Variants in PLCL1 observed in about 807,000 individuals in gnomAD.
PLCL1 encodes phospholipase C like 1 (inactive).
In PLCL1, 41 loss-of-function variants were observed where a neutral mutation model predicts 84.4. That is an observed-to-expected ratio of 0.49 (90% CI 0.38 to 0.63). The LOEUF is 0.63. PLCL1 is among the 30% of genes least tolerant of loss of function. The probability of loss-of-function intolerance (pLI) is 0.00; values close to 1 mark genes in which losing one functional copy is unlikely to be tolerated. For missense variants in PLCL1, 1,206 were observed against 1,367.8 expected (o/e 0.88, Z 1.87); for synonymous variants, 490 against 488.3 (o/e 1.00, Z -0.05).
chr2:197,974,551 G>A (rs1024362555), intron 1 of PLCL1, among the ~76,000 whole-genome samples: 1 of 152,212 alleles, frequency 6.6e-6, no homozygotes, highest in African/African-American at 2.4e-5. Flanking sequence ...AAGTACTGAT[G>A]ATAGGCTCAT....
chr2:197,816,571 A>G (rs1039746982), intron 1 of PLCL1, among the ~76,000 whole-genome samples: 1 of 152,134 alleles, frequency 6.6e-6, no homozygotes, highest in African/African-American at 2.4e-5. Flanking sequence ...TTATGGTCCA[A>G]CTTTGGTATA....
chr2:197,854,423 G>T (rs191698048), intron 1 of PLCL1, among the ~76,000 whole-genome samples: 2 of 151,990 alleles, frequency 1.3e-5, no homozygotes, highest in Non-Finnish European at 2.9e-5. Context: ...ACCCATTTTC[G>T]TCTTAAATTA....
intron 1 of PLCL1, among the ~76,000 whole-genome samples, chr2:197,831,812 A>G (rs1691073801): frequency 6.6e-6 from 1 of 152,216 alleles, no homozygotes; most frequent in Non-Finnish European, 1.5e-5. Flanking sequence ...AATAATAAGA[A>G]ACAGTCACGC....
intron 5 of PLCL1, among the ~76,000 whole-genome samples, chr2:198,120,480 C>G (rs1396012211): frequency 6.6e-6 from 1 of 152,026 alleles, no homozygotes; most frequent in Non-Finnish European, 1.5e-5. Context: ...CACTACCCTT[C>G]CCAGCCTCTA....
intron 1 of PLCL1, among the ~76,000 whole-genome samples, chr2:197,924,583 A>G (rs562955751): frequency 1.3e-5 from 2 of 152,038 alleles, no homozygotes; most frequent in East Asian, 3.9e-4. Context: ...TTGATACAGC[A>G]CTTTATAGAC....
chr2:198,044,245 C>T (rs1691735723), intron 1 of PLCL1, among the ~76,000 whole-genome samples: 1 of 152,230 alleles, frequency 6.6e-6, no homozygotes. Flanking sequence ...CAACTACCCT[C>T]TTGCTGAACT....
At chr2:198,007,639 C>G (rs185711971) in intron 1 of PLCL1, among the ~76,000 whole-genome samples, 1 of 152,148 alleles carries the variant, frequency 6.6e-6, no homozygotes, top group African/African-American at 2.4e-5. Flanking sequence ...TGTTAACCCT[C>G]TCTTTTATGG....
chr2:198,068,669 A>T (rs1179509062), intron 1 of PLCL1, among the ~76,000 whole-genome samples: 3 of 152,246 alleles, frequency 2.0e-5, no homozygotes, highest in Non-Finnish European at 4.4e-5. Flanking sequence ...AGACAAATTG[A>T]TAGCCTAGAG....
At chr2:197,870,773 C>T (rs1448733968) in intron 1 of PLCL1, among the ~76,000 whole-genome samples, 1 of 151,090 alleles carries the variant, frequency 6.6e-6, no homozygotes, top group African/African-American at 2.4e-5. Flanking sequence ...CCTTTGAGCT[C>T]GAATAGAACT....
intron 1 of PLCL1, among the ~76,000 whole-genome samples, chr2:198,077,662 A>G (rs916240793): frequency 3.3e-5 from 5 of 152,140 alleles, no homozygotes; most frequent in African/African-American, 1.2e-4. Flanking sequence ...ATAACTTCCA[A>G]CACTGAAACT....
chr2:197,885,354 T>A (rs1199575225), intron 1 of PLCL1, among the ~76,000 whole-genome samples: 2 of 152,084 alleles, frequency 1.3e-5, no homozygotes, highest in African/African-American at 2.4e-5. Context: ...ATGGTGTGAA[T>A]CCCAGTCTGA....
At chr2:197,816,829 G>A (rs909974294) in intron 1 of PLCL1, among the ~76,000 whole-genome samples, 3 of 152,138 alleles carry the variant, frequency 2.0e-5, no homozygotes, top group African/African-American at 7.2e-5. Flanking sequence ...GGAGGAACAT[G>A]TTTAATATTT....
chr2:198,070,361 A>C (rs1277398769), intron 1 of PLCL1, among the ~76,000 whole-genome samples: 1 of 152,146 alleles, frequency 6.6e-6, no homozygotes, highest in African/African-American at 2.4e-5. Flanking sequence ...ATATGCTTAC[A>C]TCTACTCTCA....
At chr2:197,949,637 C>T (rs1689350151) in intron 1 of PLCL1, among the ~76,000 whole-genome samples, 1 of 152,036 alleles carries the variant, frequency 6.6e-6, no homozygotes, top group Non-Finnish European at 1.5e-5. Flanking sequence ...AAGGGGAATT[C>T]ATTGTTCTCT....
intron 3 of PLCL1, among the ~76,000 whole-genome samples, chr2:198,091,683 TAAAAAATAAAATA>T (rs1335302596): frequency 9.7e-6 from 1 of 102,868 alleles, no homozygotes; most frequent in Non-Finnish European, 2.1e-5. Flanking sequence ...CAATCTCAAA[TAAAAAATAAAATA>T]AAATAAAATA....
At chr2:198,142,360 C>T (rs562511945) in intron 5 of PLCL1, among the ~76,000 whole-genome samples, 1 of 152,076 alleles carries the variant, frequency 6.6e-6, no homozygotes, top group East Asian at 1.9e-4. Flanking sequence ...TATTTCTTGT[C>T]AGTAGTAAAT....
intron 1 of PLCL1, among the ~76,000 whole-genome samples, chr2:197,952,636 CA>C (rs755984923): frequency 6.6e-6 from 1 of 152,130 alleles, no homozygotes; most frequent in Non-Finnish European, 1.5e-5. Context: ...GTGGATGAAT[CA>C]TGCCTAATAT....
Position 197,834,550 on chromosome 2 carries a change from G to A in PLCL1, c.240+29211G>A, listed in dbSNP as rs540786230. On this transcript the variant is annotated intron_variant, in intron 1 of 5. Transcript: ENST00000428675. ...GTGGCCAACAAACATACGAATAAAA[G>A]CCTGTCATCACTGGTCATTAAAGAA... 7.3e-4 allele frequency among the ~76,000 whole-genome samples: 111 copies of A among 152,308 alleles called. 1 individual carries two copies. Among genetic ancestry groups the A allele is most frequent in the African/African-American group, 2.6e-3 (109 of 41,568 alleles).
chr2:198,084,484 A>G lies in PLCL1; in HGVS notation c.967A>G (p.Ile323Val), dbSNP rs750870331. ...RPEVYFLLVQ[I>V]SKNKEYLDAN... is the part of the protein sequence containing the mutation. ...AGAAGTGTATTTCTTACTTGTACAGATATCTAAAAACAAAGAATATTTGGA... is the reference window on the plus strand; with the variant it reads ...AGAAGTGTATTTCTTACTTGTACAGGTATCTAAAAACAAAGAATATTTGGA... Residue 323 changes from isoleucine to valine, a missense_variant, in exon 2 of 6, where the codon ATA becomes GTA. Transcript: ENST00000428675. 20 of 1,614,078 alleles carry G rather than the reference A, an allele frequency of 1.2e-5. No individual in the cohort carries two copies. The highest frequency in any genetic ancestry group is 1.7e-5 in the Non-Finnish European group (20 of 1,179,930).
Sources: allele counts gnomAD v4.1 joint callset (sites outside exome capture counted in the v4.1 genomes callset), GRCh38; gene constraint gnomAD v4.1.1; transcripts MANE v1.5; gene names NCBI Gene and HGNC (gene_info 2026-07-23, HGNC 2026-07-21).